ITIH5: variants seen among roughly 807,000 people sequenced by gnomAD.
ITIH5 encodes the protein inter-alpha-trypsin inhibitor heavy chain 5, also known as inter-alpha-trypsin inhibitor heavy chain H5.
In ITIH5, 65 loss-of-function variants were observed where a neutral mutation model predicts 77.5. The observed-to-expected ratio is 0.84, with a 90% CI of 0.69 to 1.03. ITIH5 has a LOEUF of 1.03. Ranked by LOEUF, ITIH5 falls within the 50% of genes least tolerant of loss-of-function variation. The pLI is 0.00. For missense variants in ITIH5, 1,208 were observed against 1,213.1 expected, an observed-to-expected ratio of 1.00 and a Z score of 0.06; for synonymous variants, 525 against 494.3, an observed-to-expected ratio of 1.06 and a Z score of -0.82.
chr10:7,580,132 T>G, intron 8 of ITIH5, 68 bp from the exon 9 acceptor site: 1 of 1,353,578 alleles, frequency 7.4e-7, no homozygotes. Flanking sequence ...TGCACTTTCT[T>G]TTTTTTGAGA....
At chr10:7,592,695 T>G (rs1832816866) in intron 7 of ITIH5, among the ~76,000 whole-genome samples, 1 of 152,202 alleles carries the variant, frequency 6.6e-6, no homozygotes, top group Non-Finnish European at 1.5e-5. Context: ...CTCGGAGAAC[T>G]GCACTCCACA....
chr10:7,614,644 T>C (rs932934957), intron 7 of ITIH5, among the ~76,000 whole-genome samples: 1 of 152,198 alleles, frequency 6.6e-6, no homozygotes, highest in Non-Finnish European at 1.5e-5. Flanking sequence ...TTTTGAAATA[T>C]GTTTTTGCTC....
chr10:7,617,062 T>C, intron 6 of ITIH5, 51 bp downstream of exon 6: 1 of 1,211,394 alleles, frequency 8.3e-7, no homozygotes, highest in Non-Finnish European at 1.1e-6. Context: ...AGTATGAGTC[T>C]GTCCAAAGTA....
At chr10:7,605,011 G>A (rs531299478) in intron 7 of ITIH5, among the ~76,000 whole-genome samples, 88 of 152,076 alleles carry the variant, frequency 5.8e-4, no homozygotes, top group Non-Finnish European at 2.9e-4. Context: ...TAGTAGAAAC[G>A]AGATTTCACC....
Position 7,616,052 on chromosome 10 carries a change from G to A in ITIH5, c.869C>T (p.Pro290Leu), listed in dbSNP as rs745316174. The change falls in exon 7 of 14, where the codon CCT becomes CTT. Residue 290 changes from proline (P) to leucine (L), a missense_variant. Pro to Leu is a moderately conservative substitution (Grantham distance 98). Transcript: ENST00000397146. ...GAATACCACATTCTTGGGTAAAGGA[G>A]GAAGGTCTTTAGGAGCAAAGTAGTG... Reference protein sequence around the residue: ...FVHYFAPKDLPPLPKNVVFVL... With the variant: ...FVHYFAPKDLLPLPKNVVFVL... 3.1e-6 allele frequency: 5 copies of A among 1,613,650 alleles called. No homozygotes were observed. The Admixed American group carries it at 6.7e-5, about 22-fold the overall frequency.
intron 7 of ITIH5, among the ~76,000 whole-genome samples, chr10:7,604,624 G>C (rs540742956): frequency 4.3e-4 from 65 of 152,276 alleles, no homozygotes; most frequent in African/African-American, 1.5e-3. Flanking sequence ...TCACACTATA[G>C]CATATTCAGC....
At chr10:7,652,023 G>A (rs1160723543) in intron 2 of ITIH5, among the ~76,000 whole-genome samples, 2 of 152,134 alleles carry the variant, frequency 1.3e-5, no homozygotes, top group South Asian at 2.1e-4. Flanking sequence ...CAGACACCAA[G>A]ACAGACCCTG....
At chr10:7,666,316 C>A (rs187993120) in intron 1 of ITIH5, among the ~76,000 whole-genome samples, 10 of 151,948 alleles carry the variant, frequency 6.6e-5, no homozygotes, top group Non-Finnish European at 1.0e-4. Context: ...GCTAAACCAC[C>A]GGTAGGTAGT....
At chr10:7,653,625 T>TA (rs1179094937) in intron 2 of ITIH5, among the ~76,000 whole-genome samples, 30 of 152,202 alleles carry the variant, frequency 2.0e-4, no homozygotes, top group Admixed American at 1.1e-3. Context: ...AATCTGGAAA[T>TA]AAATTGAGAG....
intron 11 of ITIH5, chr10:7,570,095 A>G (rs576479907): frequency 3.2e-4 from 63 of 199,716 alleles, no homozygotes; most frequent in South Asian, 5.1e-4. Context: ...GGAAAGAGAG[A>G]TCCCCACACA....
At chr10:7,644,577 C>T (rs571933839) in intron 2 of ITIH5, among the ~76,000 whole-genome samples, 26 of 58,362 alleles carry the variant, frequency 4.5e-4, no homozygotes, top group South Asian at 1.2e-3. Flanking sequence ...ATATATATCA[C>T]ATATATCACA....
At chr10:7,575,531 C>A (rs757887669) in intron 10 of ITIH5, among the ~76,000 whole-genome samples, 4 of 152,304 alleles carry the variant, frequency 2.6e-5, no homozygotes, top group Non-Finnish European at 4.4e-5. Context: ...ACACGCAGAT[C>A]TGCCAGGAAT....
At chr10:7,646,813 G>A (rs752436788) in intron 2 of ITIH5, among the ~76,000 whole-genome samples, 15 of 152,276 alleles carry the variant, frequency 9.9e-5, no homozygotes, top group South Asian at 8.3e-4. Context: ...AGGCTTTACC[G>A]GTCACCTGGT....
At chr10:7,663,459 A>G (rs1276769051) in intron 1 of ITIH5, among the ~76,000 whole-genome samples, 4 of 152,224 alleles carry the variant, frequency 2.6e-5, no homozygotes, top group African/African-American at 4.8e-5. Context: ...ATAAAACATA[A>G]GCTCCAGGAC....
chr10:7,639,951 C>G (rs138309023), intron 4 of ITIH5, among the ~76,000 whole-genome samples: 1 of 151,852 alleles, frequency 6.6e-6, no homozygotes, highest in South Asian at 2.1e-4. Flanking sequence ...CCAAGATAGT[C>G]TAAACACTGT....
Position 7,576,504 on chromosome 10 carries a change from T to C in ITIH5, c.1927A>G (p.Met643Val), listed in dbSNP as rs768345612. The C allele has an allele frequency of 1.2e-5, 20 of 1,610,566 alleles. No homozygotes were observed. The highest frequency in any genetic ancestry group is 2.7e-5 in the African/African-American group (2 of 75,060). The change falls in exon 10 of 14, where the codon ATG becomes GTG. Residue 643 changes from methionine to valine, a missense_variant. Transcript: ENST00000397146. ...CTCTGCACCACCGGTTCGGGTCCCA[T>C]GGCAGCCGACATGCCGTGGGCCTCC... ...LEEAHGMSAA[M>V]GPEPVVQSVR...
chr10:7,649,252 TTTC>T (rs930997948), intron 2 of ITIH5, among the ~76,000 whole-genome samples: 3 of 152,010 alleles, frequency 2.0e-5, no homozygotes, highest in African/African-American at 4.8e-5. Context: ...TTCTTCCTCC[TTTC>T]TTCTTTCTTC....
Position 7,576,699 on chromosome 10 carries a change from T to A in ITIH5, c.1732A>T (p.Ser578Cys). The A allele has an allele frequency of 2.5e-6, 4 of 1,614,010 alleles. No individual in the cohort carries two copies. Among genetic ancestry groups the A allele is most frequent in the Non-Finnish European group, 3.4e-6 (4 of 1,179,984 alleles). ...GDTNHIERLWSYLTTKELLSS... is the reference protein window; with the variant it reads ...GDTNHIERLWCYLTTKELLSS... ...AGCAGCTCCTTTGTGGTGAGGTAGC[T>A]CCAGAGACGCTCGATGTGGTTGGTG... Residue 578 changes from serine to cysteine, a missense_variant, in exon 10 of 14, where the codon AGC becomes TGC. By Grantham distance (112) the Ser-to-Cys change is moderately radical. Transcript: ENST00000397146.
chr10:7,665,710 G>A (rs1183775846), intron 1 of ITIH5, among the ~76,000 whole-genome samples: 1 of 152,208 alleles, frequency 6.6e-6, no homozygotes, highest in Non-Finnish European at 1.5e-5. Context: ...TGACCAACGA[G>A]GACATGAAGG....
Sources: gnomAD v4.1 joint callset for allele counts (sites outside exome capture counted in the v4.1 genomes callset) on GRCh38, gnomAD v4.1.1 for gene constraint, MANE v1.5 for transcripts, NCBI Gene and HGNC (gene_info 2026-07-23, HGNC 2026-07-21) for gene names.